The following CYP27A1 variants were observed in gnomAD, a reference collection of about 807,000 sequenced individuals.
CYP27A1 encodes the protein cytochrome P450 family 27 subfamily A member 1, also known as sterol 26-hydroxylase, mitochondrial.
In CYP27A1, 46 loss-of-function variants were observed where a neutral mutation model predicts 58.2. The observed-to-expected ratio is 0.79, with a 90% CI of 0.62 to 1.01. CYP27A1 has a LOEUF of 1.01. Ranked by LOEUF, CYP27A1 falls within the 50% of genes least tolerant of loss-of-function variation. The probability of loss-of-function intolerance (pLI) is 0.00; values close to 1 mark genes in which losing one functional copy is unlikely to be tolerated. For synonymous variants in CYP27A1, 274 were observed against 285.1 expected, an observed-to-expected ratio of 0.96 and a Z score of 0.39; for missense variants, 704 against 687.0, an observed-to-expected ratio of 1.02 and a Z score of -0.28.
At chr2:218,798,208 T>A (rs1004212800) in intron 1 of CYP27A1, among the ~76,000 whole-genome samples, 4 of 152,178 alleles carry the variant, frequency 2.6e-5, no homozygotes, top group African/African-American at 9.6e-5. Flanking sequence ...TTTCACCATG[T>A]TGGCCAGGCT....
In CYP27A1 at chr2:218,812,323, A is replaced by T. The variant is rs756802739; in HGVS notation, c.548A>T (p.Asp183Val). The part of the protein sequence containing the change: ...LYTDAFNEVI[D>V]DFMTRLDQLR... ...ACGGATGCTTTCAATGAGGTGATTG[A>T]TGACTTTATGACTCGACTGGACCAG... is the stretch of plus-strand genomic sequence containing the variant. The change falls in exon 3 of 9, where the codon GAT becomes GTT. Residue 183 changes from aspartate (D) to valine (V), a missense_variant. Transcript: ENST00000258415. The T allele has an allele frequency of 6.2e-7, 1 of 1,614,246 alleles. No individual in the cohort carries two copies. The highest frequency in any genetic ancestry group is 8.5e-7 in the Non-Finnish European group (1 of 1,180,044).
chr2:218,798,193 T>G (rs1943564988), intron 1 of CYP27A1, among the ~76,000 whole-genome samples: 1 of 152,096 alleles, frequency 6.6e-6, no homozygotes, highest in Non-Finnish European at 1.5e-5. Context: ...CTAGTAGAGA[T>G]GGGGTTTCAC....
In CYP27A1 at chr2:218,782,367, G is replaced by T; in HGVS notation, c.185G>T (p.Arg62Leu). ...RRQRSLEEIP[R>L]LGQLRFFFQL... is the part of the protein sequence containing the mutation. Reference sequence around the variant, plus strand: ...CAACGGAGCTTAGAGGAGATTCCACGTCTAGGACAGCTGCGCTTCTTCTTT... The same window carrying T: ...CAACGGAGCTTAGAGGAGATTCCACTTCTAGGACAGCTGCGCTTCTTCTTT... Residue 62 changes from arginine (R) to leucine (L), a missense_variant, in exon 1 of 9, where the codon CGT (arginine) becomes CTT (leucine). Physicochemically the swap from Arg to Leu is moderately radical, Grantham distance 102. Transcript: ENST00000258415. This position sits in a 1 kb window ranked among gnomAD's most constrained non-coding sequence, Gnocchi z 4.1. 6.2e-7 allele frequency: 1 copy of T among 1,614,196 alleles called. No homozygotes were observed. Among genetic ancestry groups the T allele is most frequent in the Non-Finnish European group, 8.5e-7 (1 of 1,180,000 alleles).
Position 218,813,080 on chromosome 2 carries a change from T to C in CYP27A1, c.1001T>C (p.Met334Thr). 6.2e-7 allele frequency: 1 copy of C among 1,612,452 alleles called. No homozygotes were observed. Among genetic ancestry groups the C allele is most frequent in the Non-Finnish European group, 8.5e-7 (1 of 1,178,774 alleles). The change falls in exon 5 of 9, where the codon ATG becomes ACG. Residue 334 changes from methionine (M) to threonine (T), a missense_variant. Coordinates refer to ENST00000258415, the MANE Select transcript of CYP27A1 (RefSeq NM_000784.4). The part of the protein sequence containing the change: ...EAMGSLPELL[M>T]AGVDTTSNTL... ...ATGGGCAGCCTGCCTGAGCTGCTCA[T>C]GGCTGGAGTGGACACGGTGCGTGAA...
intron 1 of CYP27A1, among the ~76,000 whole-genome samples, chr2:218,799,835 G>A (rs972120109): frequency 2.0e-5 from 3 of 151,674 alleles, no homozygotes; most frequent in African/African-American, 7.3e-5. Context: ...ATTTCTCGGT[G>A]CCCCAATGAC....
At position 218,809,643 on chromosome 2, in the gene CYP27A1, C is replaced by T. The variant is rs192344487; in HGVS notation, c.322C>T (p.Leu108=). ...SYLGPQMHVN[L]ASAPLLEQVM... ...CTTAGGGCCTCAGATGCACGTGAAC[C>T]TGGCCAGTGCCCCGCTCTTGGAGCA... is the stretch of plus-strand genomic sequence containing the variant. The change falls in exon 2 of 9, where the codon CTG becomes TTG. Residue 108 remains leucine, a synonymous_variant. Coordinates refer to ENST00000258415, the MANE Select transcript of CYP27A1 (RefSeq NM_000784.4). 2.2e-5 allele frequency: 36 copies of T among 1,614,172 alleles called. No homozygotes were observed. The highest frequency in any genetic ancestry group is 6.6e-5 in the South Asian group (6 of 91,084).
chr2:218,784,115 G>T (rs1943420497), intron 1 of CYP27A1, among the ~76,000 whole-genome samples: 1 of 152,078 alleles, frequency 6.6e-6, no homozygotes, highest in African/African-American at 2.4e-5. Context: ...GGATGAGGGA[G>T]AAGATGACTC....
chr2:218,782,573 C>A lies in CYP27A1; in HGVS notation c.255+136C>A. 2 of 1,149,484 alleles carry A rather than the reference C, an allele frequency of 1.7e-6. No homozygotes were observed. The highest frequency in any genetic ancestry group is 2.6e-6 in the Non-Finnish European group (2 of 782,182). The allele number at this position is 1,149,484 out of a possible 1,614,324, so 71.2% of individuals were successfully genotyped here. On this transcript the variant is annotated intron_variant, in intron 1 of 8. Coordinates refer to ENST00000258415, the MANE Select transcript of CYP27A1 (RefSeq NM_000784.4). The surrounding 1 kb of genome is among the most constrained non-coding windows in gnomAD (Gnocchi z 4.1). ...GACCCACTGAGGCTATGGTCATAAACTGGAAATCAGTAGGGAGAATGGGCA... is the reference window on the plus strand; with the variant it reads ...GACCCACTGAGGCTATGGTCATAAAATGGAAATCAGTAGGGAGAATGGGCA...
In CYP27A1 at chr2:218,809,816, C is replaced by T. The variant is rs184087692; in HGVS notation, c.446+49C>T. ...GGAACAGGGCCCCAGAGGGCCAGGGCGAAAGACAGTGGGCACAGGGCAGGC... is the reference window on the plus strand; with the variant it reads ...GGAACAGGGCCCCAGAGGGCCAGGGTGAAAGACAGTGGGCACAGGGCAGGC... On this transcript the variant is annotated intron_variant, in intron 2 of 8. Coordinates refer to ENST00000258415, the MANE Select transcript of CYP27A1 (RefSeq NM_000784.4). 80 of 1,566,258 alleles carry T rather than the reference C, an allele frequency of 5.1e-5. No homozygotes were observed. In the East Asian group the frequency reaches 1.1e-3, roughly 21 times the overall value.
At chr2:218,783,767 G>T (rs1943417220) in intron 1 of CYP27A1, among the ~76,000 whole-genome samples, 1 of 152,204 alleles carries the variant, frequency 6.6e-6, no homozygotes, top group Non-Finnish European at 1.5e-5. Context: ...ATAGGAGTAG[G>T]CTGGTCCTGG....
At chr2:218,792,540 G>A (rs549915216) in intron 1 of CYP27A1, among the ~76,000 whole-genome samples, 11 of 152,084 alleles carry the variant, frequency 7.2e-5, no homozygotes, top group Non-Finnish European at 1.5e-4. Flanking sequence ...GCTTCTCAGG[G>A]TTCTTTCTGT....
At chr2:218,800,433 T>C (rs985425334) in intron 1 of CYP27A1, among the ~76,000 whole-genome samples, 2 of 151,968 alleles carry the variant, frequency 1.3e-5, no homozygotes, top group African/African-American at 2.4e-5. Flanking sequence ...TAAAAATAAA[T>C]AAACAAATAA....
intron 1 of CYP27A1, 128 bp from the exon 2 acceptor site, chr2:218,809,439 GCCCTTTTTTT>G (rs1212568442): frequency 3.0e-6 from 2 of 662,886 alleles, no homozygotes; most frequent in African/African-American, 3.2e-5. Context: ...CATACACAAT[GCCCTTTTTTT>G]TTTTTTTTTT....
intron 2 of CYP27A1, among the ~76,000 whole-genome samples, chr2:218,811,741 TC>T (rs952821158): frequency 3.4e-4 from 51 of 152,214 alleles, no homozygotes; most frequent in African/African-American, 1.2e-3. Context: ...CCTCTGCAGC[TC>T]CCCCTTATTT....
rs775750983 is a variant in CYP27A1 at position 218,782,670 on chromosome 2, AG to A, written c.255+240del. ...GGCTTAAATCAGGACGGCACCAGTA[AG>A]GGGGGGATCTGGACGCCGGACTTAC... On this transcript the variant is annotated intron_variant, in intron 1 of 8. Coordinates refer to ENST00000258415, the MANE Select transcript of CYP27A1 (RefSeq NM_000784.4). This position sits in a 1 kb window ranked among gnomAD's most constrained non-coding sequence, Gnocchi z 4.1. Among the ~76,000 whole-genome samples, 4 of 152,102 alleles carry A rather than the reference AG, an allele frequency of 2.6e-5. No homozygotes were observed. The highest frequency in any genetic ancestry group is 2.6e-4 in the Admixed American group (4 of 15,266).
intron 1 of CYP27A1, among the ~76,000 whole-genome samples, chr2:218,801,286 C>A (rs1042378734): frequency 4.6e-5 from 7 of 152,122 alleles, no homozygotes; most frequent in Admixed American, 4.6e-4. Flanking sequence ...GAGTGGATCA[C>A]GTGAGGTCAG....
At chr2:218,791,377 C>A (rs1943491079) in intron 1 of CYP27A1, among the ~76,000 whole-genome samples, 1 of 152,136 alleles carries the variant, frequency 6.6e-6, no homozygotes, top group Non-Finnish European at 1.5e-5. Flanking sequence ...TAAGGTTATC[C>A]ATGTAATAAG....
intron 1 of CYP27A1, among the ~76,000 whole-genome samples, chr2:218,803,789 T>C (rs1943623794): frequency 7.4e-6 from 1 of 135,720 alleles, no homozygotes; most frequent in Non-Finnish European, 1.6e-5. Context: ...CTGGAGCGTA[T>C]TGGTGCAATC....
intron 1 of CYP27A1, among the ~76,000 whole-genome samples, chr2:218,786,753 T>C (rs936675173): frequency 6.6e-6 from 1 of 152,152 alleles, no homozygotes; most frequent in Non-Finnish European, 1.5e-5. Context: ...CCCAATGTCC[T>C]AAGTACATAT....
Sources: gnomAD v4.1 joint callset for allele counts (sites outside exome capture counted in the v4.1 genomes callset) on GRCh38, gnomAD v4.1.1 for gene constraint, Gnocchi (gnomAD v3.1) non-coding constraint, MANE v1.5 for transcripts, NCBI Gene and HGNC (gene_info 2026-07-23, HGNC 2026-07-21) for gene names.